The following VWC2L variants were observed in gnomAD, a reference collection of about 807,000 sequenced individuals.
The protein encoded by VWC2L is von Willebrand factor C domain-containing protein 2-like.
A neutral mutation model predicts 21.6 loss-of-function variants in VWC2L; 10 were observed. That is an observed-to-expected ratio of 0.46 (90% CI 0.29 to 0.78). VWC2L has a LOEUF of 0.78. Among genes scored for constraint, VWC2L ranks in the 30% least tolerant of loss-of-function variants. VWC2L has a pLI of 0.10. For missense variants in VWC2L, 209 were observed against 277.1 expected (o/e 0.75, Z 1.74); for synonymous variants, 96 against 94.3 (o/e 1.02, Z -0.10).
chr2:214,545,275 G>A (rs776073548), intron 3 of VWC2L, among the ~76,000 whole-genome samples: 2 of 152,102 alleles, frequency 1.3e-5, no homozygotes, highest in Non-Finnish European at 2.9e-5. Context: ...TTATATCCGC[G>A]TGCACCCTCC....
intron 3 of VWC2L, among the ~76,000 whole-genome samples, chr2:214,567,397 T>C (rs12474590): frequency 0.027 from 4,153 of 152,132 alleles, 369 homozygotes; most frequent in East Asian, 0.27. Context: ...CACATTGCCT[T>C]CCTGGCCATA....
intron 3 of VWC2L, among the ~76,000 whole-genome samples, chr2:214,557,842 C>A (rs1689897698): frequency 6.6e-6 from 1 of 152,204 alleles, no homozygotes; most frequent in Admixed American, 6.5e-5. Flanking sequence ...CCTAGCCATT[C>A]TCTTTTACAT....
At chr2:214,558,415 A>G (rs1689908670) in intron 3 of VWC2L, among the ~76,000 whole-genome samples, 1 of 152,180 alleles carries the variant, frequency 6.6e-6, no homozygotes, top group South Asian at 2.1e-4. Context: ...GTGTATATCA[A>G]TTCAAACTTT....
rs144495914 is a variant in VWC2L, at chr2:214,514,888, T to C, written c.521-60784T>C. ...GCTGTAGTCAGAAGGAAGATTCAAT[T>C]TGGGCTTTGTGCAGACTTGACTTGC... On this transcript the variant is annotated intron_variant, in intron 3 of 3. Transcript: ENST00000312504. Among the ~76,000 whole-genome samples the C allele has an allele frequency of 1.0e-3, 154 of 152,356 alleles. 3 individuals are homozygous for C. The East Asian group carries it at 0.02, about 20-fold the overall frequency.
intron 3 of VWC2L, among the ~76,000 whole-genome samples, chr2:214,515,645 C>G (rs1218709812): frequency 6.6e-6 from 1 of 152,196 alleles, no homozygotes; most frequent in South Asian, 2.1e-4. Flanking sequence ...CCCCCGCCTC[C>G]CAGGTTCCAG....
At chr2:214,498,053 G>A (rs944478507) in intron 3 of VWC2L, among the ~76,000 whole-genome samples, 7 of 152,188 alleles carry the variant, frequency 4.6e-5, no homozygotes, top group Non-Finnish European at 8.8e-5. Context: ...GGCTCCACCC[G>A]CTTCAACATG....
At chr2:214,455,968 T>C (rs1183101034) in intron 3 of VWC2L, among the ~76,000 whole-genome samples, 1 of 152,222 alleles carries the variant, frequency 6.6e-6, no homozygotes, top group Non-Finnish European at 1.5e-5. Flanking sequence ...ATTCCCTATC[T>C]TGGCTATTGT....
At chr2:214,451,457 A>C (rs535358224) in intron 3 of VWC2L, among the ~76,000 whole-genome samples, 16 of 152,182 alleles carry the variant, frequency 1.1e-4, no homozygotes, top group Admixed American at 7.9e-4. Context: ...CCTGGGTTGG[A>C]GAAGATCTAT....
intron 3 of VWC2L, among the ~76,000 whole-genome samples, chr2:214,523,793 C>T (rs914439178): frequency 3.9e-5 from 6 of 152,176 alleles, no homozygotes; most frequent in African/African-American, 1.4e-4. Flanking sequence ...CGAGATCGCA[C>T]CCTTGCAGTC....
chr2:214,518,165 C>CAAA (rs34081032), intron 3 of VWC2L, among the ~76,000 whole-genome samples: 1 of 144,338 alleles, frequency 6.9e-6, no homozygotes, highest in Non-Finnish European at 1.5e-5. Context: ...GACTCTGTCT[C>CAAA]AAAAAAAAAA....
intron 3 of VWC2L, among the ~76,000 whole-genome samples, chr2:214,450,140 C>T (rs570744546): frequency 6.6e-5 from 10 of 152,074 alleles, no homozygotes; most frequent in African/African-American, 9.7e-5. Flanking sequence ...GACTCCTTTG[C>T]GAATGGGGAA....
intron 2 of VWC2L, among the ~76,000 whole-genome samples, chr2:214,421,769 A>G (rs766724322): frequency 2.1e-5 from 3 of 143,494 alleles, no homozygotes; most frequent in Non-Finnish European, 3.1e-5. Flanking sequence ...CCAACTGTAC[A>G]TGGTTTTGGA....
intron 3 of VWC2L, among the ~76,000 whole-genome samples, chr2:214,542,606 G>A (rs1689645255): frequency 1.3e-5 from 2 of 152,220 alleles, no homozygotes; most frequent in Non-Finnish European, 2.9e-5. Context: ...CCACCACGCA[G>A]TGACGGGGTG....
At chr2:214,415,988 C>T (rs539290458) in intron 2 of VWC2L, among the ~76,000 whole-genome samples, 1 of 152,054 alleles carries the variant, frequency 6.6e-6, no homozygotes, top group African/African-American at 2.4e-5. Flanking sequence ...TATATTTTGA[C>T]ATTACCTATT....
intron 2 of VWC2L, among the ~76,000 whole-genome samples, chr2:214,422,322 T>TG (rs1702455474): frequency 4.0e-5 from 6 of 151,778 alleles, no homozygotes; most frequent in Admixed American, 6.6e-5. Flanking sequence ...TGTGTGTGTG[T>TG]TAAACTGGAA....
At chr2:214,499,136 A>G (rs997862979) in intron 3 of VWC2L, among the ~76,000 whole-genome samples, 2 of 146,482 alleles carry the variant, frequency 1.4e-5, no homozygotes, top group Non-Finnish European at 3.0e-5. Context: ...CTCCTGCCTC[A>G]GCCTCCTGAG....
intron 2 of VWC2L, among the ~76,000 whole-genome samples, chr2:214,424,751 T>G (rs932059102): frequency 6.6e-6 from 1 of 152,210 alleles, no homozygotes; most frequent in Non-Finnish European, 1.5e-5. Flanking sequence ...TGATTCAAGA[T>G]AGGCTAATTC....
At position 214,448,858 on chromosome 2, in the gene VWC2L, C is replaced by T. The variant is rs187564340; in HGVS notation, c.520+12100C>T. 2.2e-3 allele frequency among the ~76,000 whole-genome samples: 333 copies of T among 152,264 alleles called. 2 individuals carry two copies. Among genetic ancestry groups the T allele is most frequent in the Admixed American group, 3.7e-3 (56 of 15,290 alleles). The stretch of plus-strand genomic sequence containing the variant: ...CCATTGAGAAAACATGTGAAAAGGG[C>T]AGCTGTTCCCTTAGAAGGTACCATC... On this transcript the variant is annotated intron_variant, in intron 3 of 3. Transcript: ENST00000312504.
chr2:214,492,684 A>G (rs372031782), intron 3 of VWC2L, among the ~76,000 whole-genome samples: 4 of 152,230 alleles, frequency 2.6e-5, no homozygotes, highest in East Asian at 1.9e-4. Context: ...TAAAGGAGAC[A>G]TCAATTGCTA....
Sources: gnomAD v4.1 joint callset for allele counts (sites outside exome capture counted in the v4.1 genomes callset) on GRCh38, gnomAD v4.1.1 for gene constraint, MANE v1.5 for transcripts, NCBI Gene and HGNC (gene_info 2026-07-23, HGNC 2026-07-21) for gene names.